The following TANGO2 variants were observed in gnomAD, a reference collection of about 807,000 sequenced individuals.
TANGO2 encodes transport and golgi organization 2 homolog.
Under a neutral mutation model 39.1 loss-of-function variants are expected in TANGO2, and 26 were observed. The ratio of observed to expected loss-of-function variants is 0.67; its 90% confidence interval spans 0.49 to 0.92. The LOEUF is 0.92. Among genes scored for constraint, TANGO2 ranks in the 40% least tolerant of loss-of-function variants. The probability of loss-of-function intolerance (pLI) is 0.00; values close to 1 mark genes in which losing one functional copy is unlikely to be tolerated. For synonymous variants in TANGO2, 131 were observed against 144.5 expected (o/e 0.91, Z 0.67); for missense variants, 326 against 360.1 (o/e 0.91, Z 0.77).
At chr22:20,026,794 G>A (rs1182967064) in intron 1 of TANGO2, among the ~76,000 whole-genome samples, 1 of 152,226 alleles carries the variant, frequency 6.6e-6, no homozygotes, top group Admixed American at 6.5e-5. Context: ...TTCCCACACT[G>A]CATACACCCT....
chr22:20,021,680 C>T (rs1248808021), intron 1 of TANGO2, among the ~76,000 whole-genome samples: 2 of 152,194 alleles, frequency 1.3e-5, no homozygotes, highest in East Asian at 1.9e-4. Flanking sequence ...GTAGTTAGAT[C>T]CCCCACCCCC....
At chr22:20,035,857 C>T (rs1601961463) in intron 1 of TANGO2, among the ~76,000 whole-genome samples, 1 of 152,258 alleles carries the variant, frequency 6.6e-6, no homozygotes, top group East Asian at 1.9e-4. Flanking sequence ...GGTCTATTTC[C>T]AAGACAAAGT....
chr22:20,052,010 C>T (rs1055038927), intron 3 of TANGO2, among the ~76,000 whole-genome samples: 2 of 152,210 alleles, frequency 1.3e-5, no homozygotes, highest in African/African-American at 4.8e-5. Flanking sequence ...CCATGCCCTG[C>T]AGATTTGGCG....
At chr22:20,043,287 T>G in intron 2 of TANGO2, 68 bp from the exon 3 acceptor site, 1 of 1,233,368 alleles carries the variant, frequency 8.1e-7, no homozygotes, top group Non-Finnish European at 1.2e-6. Flanking sequence ...GTTTTGTGTG[T>G]GAAAAGAGAA....
At chr22:20,046,793 C>T (rs1291845576) in intron 3 of TANGO2, among the ~76,000 whole-genome samples, 1 of 152,134 alleles carries the variant, frequency 6.6e-6, no homozygotes, top group Non-Finnish European at 1.5e-5. Flanking sequence ...CGCTATCCTT[C>T]CCCCAGCCCA....
At chr22:20,024,010 C>A (rs766285341) in intron 1 of TANGO2, among the ~76,000 whole-genome samples, 1 of 152,088 alleles carries the variant, frequency 6.6e-6, no homozygotes, top group South Asian at 2.1e-4. Context: ...AGTGAAACCC[C>A]GTCCCTACTA....
intron 2 of TANGO2, among the ~76,000 whole-genome samples, chr22:20,041,985 CTTT>C (rs769326660): frequency 2.1e-5 from 3 of 141,878 alleles, no homozygotes; most frequent in African/African-American, 2.6e-5. Context: ...TCAGCCATCA[CTTT>C]TTTTTTTTTT....
Position 20,041,336 on chromosome 22 carries a change from G to C in TANGO2, c.57-2019G>C, listed in dbSNP as rs368725129. Among the ~76,000 whole-genome samples the C allele has an allele frequency of 5.6e-5, 8 of 142,694 alleles. No individual in the cohort carries two copies. The East Asian group carries it at 1.6e-3, about 29-fold the overall frequency. 93.6% of individuals were successfully genotyped at this position (142,694 alleles called of 152,430 possible). On this transcript the variant is annotated intron_variant, in intron 2 of 8. Transcript: ENST00000327374. ...AATTTTTTTTTTTTTTTTTTGAGAC[G>C]GAGTCTTGCTCTGTCACTCAGGCTG...
At chr22:20,063,272 G>A (rs2048714246) in intron 7 of TANGO2, 66 bp from the exon 8 acceptor site, 5 of 1,479,228 alleles carry the variant, frequency 3.4e-6, no homozygotes, top group East Asian at 2.3e-5. Context: ...AGGTGGGCTG[G>A]GGCTAGACCC....
chr22:20,054,143 C>T, intron 5 of TANGO2: 1 of 244,518 alleles, frequency 4.1e-6, no homozygotes, highest in South Asian at 4.4e-5. Flanking sequence ...GTCCATGGGC[C>T]TCTCTCCTGG....
chr22:20,054,487 G>GTGTGGAGGTGGGGTGCCAAGGGTGCCAT (rs2046984794), intron 5 of TANGO2: 1 of 152,478 alleles, frequency 6.6e-6, no homozygotes, highest in African/African-American at 2.4e-5. Context: ...CTCAGCAGCT[G>GTGTGGAGGTGGGGTGCCAAGGGTGCCAT]TGTGGAGGTG....
chr22:20,029,794 G>A (rs1428015497), intron 1 of TANGO2, among the ~76,000 whole-genome samples: 1 of 152,208 alleles, frequency 6.6e-6, no homozygotes, highest in Non-Finnish European at 1.5e-5. Context: ...CTGCACAGAG[G>A]CTGTGCATGT....
chr22:20,029,622 G>A (rs1442556044), intron 1 of TANGO2, among the ~76,000 whole-genome samples: 1 of 152,068 alleles, frequency 6.6e-6, no homozygotes, highest in Admixed American at 6.5e-5. Context: ...CAGGAGTGTG[G>A]GGGGAACTTC....
upstream of TANGO2, among the ~76,000 whole-genome samples, chr22:20,017,861 T>G (rs974250523): frequency 3.3e-5 from 5 of 152,168 alleles, no homozygotes; most frequent in African/African-American, 1.2e-4. Context: ...GGTCCTGAGA[T>G]GACTTCTTAG....
chr22:20,053,587 G>A, intron 5 of TANGO2, 36 bp downstream of exon 5: 1 of 1,406,424 alleles, frequency 7.1e-7, no homozygotes, highest in African/African-American at 1.4e-5. Context: ...GCTCTGCCCA[G>A]CACTGCCTCG....
chr22:20,034,166 G>C (rs1430409552), intron 1 of TANGO2, among the ~76,000 whole-genome samples: 1 of 151,838 alleles, frequency 6.6e-6, no homozygotes, highest in Admixed American at 6.6e-5. Context: ...GATTATGCCA[G>C]CCAGCCTGGG....
intron 1 of TANGO2, among the ~76,000 whole-genome samples, chr22:20,028,201 T>A (rs1383515573): frequency 6.6e-6 from 1 of 152,224 alleles, no homozygotes. Flanking sequence ...AGCCTTGATC[T>A]TCTAGGCTCA....
At position 20,065,093 on chromosome 22, in the gene TANGO2, C is replaced by A. The variant is rs2049045767; in HGVS notation, c.*431C>A. ...ACACATGCACAGTTGCACAGACACA[C>A]ACACACAGGTGCACACACACGATGC... On this transcript the variant is annotated 3_prime_UTR_variant, in exon 9 of 9. Coordinates refer to ENST00000327374, the MANE Select transcript of TANGO2 (RefSeq NM_152906.7). 5.5e-6 allele frequency: 1 copy of A among 181,362 alleles called. No homozygotes were observed. The allele number at this position is 181,362 out of a possible 1,614,324, so 11.2% of individuals were successfully genotyped here.
chr22:20,030,580 C>T (rs9605050), intron 1 of TANGO2, among the ~76,000 whole-genome samples: 60,006 of 151,754 alleles, frequency 0.4, 12,245 homozygotes, highest in African/African-American at 0.49. Context: ...CTCTTGACCT[C>T]GTGATCCACC....
Sources: allele counts gnomAD v4.1 joint callset (sites outside exome capture counted in the v4.1 genomes callset), GRCh38; gene constraint gnomAD v4.1.1; transcripts MANE v1.5; gene names NCBI Gene and HGNC (gene_info 2026-07-23, HGNC 2026-07-21).